Variants in CNOT10 observed in about 807,000 individuals in gnomAD.
CNOT10 encodes the protein CCR4-NOT transcription complex, subunit 10.
A neutral mutation model predicts 94.6 loss-of-function variants in CNOT10; 30 were observed. The ratio of observed to expected loss-of-function variants is 0.32; its 90% confidence interval spans 0.24 to 0.43. The LOEUF (loss-of-function observed/expected upper bound fraction) is 0.43, where lower values mean the gene tolerates loss of function less well. CNOT10 is among the 20% of genes least tolerant of loss of function. The pLI, the probability that CNOT10 is intolerant of heterozygous loss-of-function variation, is 1.00. For missense variants in CNOT10, 759 were observed against 877.2 expected (o/e 0.87, Z 1.70); for synonymous variants, 289 against 301.6 (o/e 0.96, Z 0.43).
At chr3:32,711,444 C>A (rs1360805388) in intron 4 of CNOT10, among the ~76,000 whole-genome samples, 2 of 152,030 alleles carry the variant, frequency 1.3e-5, no homozygotes. Flanking sequence ...AGTGCAGATG[C>A]AACAACTTTT....
chr3:32,754,489 A>AATATATATATATATATAT (rs1553637888), intron 13 of CNOT10, among the ~76,000 whole-genome samples: 3 of 70,218 alleles, frequency 4.3e-5, no homozygotes, highest in African/African-American at 7.7e-5. Context: ...AAAAAAAAAA[A>AATATATATATATATATAT]ATACATATAT....
At chr3:32,739,603 A>G (rs572876543) in intron 13 of CNOT10, among the ~76,000 whole-genome samples, 1 of 150,376 alleles carries the variant, frequency 6.6e-6, no homozygotes, top group South Asian at 2.1e-4. Flanking sequence ...CCTGGGCAAC[A>G]TGGTGAGACC....
Position 32,708,408 on chromosome 3 carries a change from A to C in CNOT10, c.280-262A>C, listed in dbSNP as rs1347917470. ...GAAGATAGCTTCACAGTGACAAGGA[A>C]GATAATTGTCTAGCCATGTGCTGGG... On this transcript the variant is annotated intron_variant, in intron 3 of 18. Coordinates refer to ENST00000328834, the MANE Select transcript of CNOT10 (RefSeq NM_015442.3). Among the ~76,000 whole-genome samples the C allele has an allele frequency of 4.6e-5, 7 of 152,206 alleles. No homozygotes were observed. The East Asian group carries it at 1.3e-3, about 29-fold the overall frequency.
At chr3:32,747,188 G>A (rs1699738710) in intron 13 of CNOT10, among the ~76,000 whole-genome samples, 1 of 152,146 alleles carries the variant, frequency 6.6e-6, no homozygotes, top group African/African-American at 2.4e-5. Context: ...GGCCAAGGCA[G>A]GTGGATCACC....
At chr3:32,764,565 T>G in intron 16 of CNOT10, 75 bp downstream of exon 16, 1 of 1,604,474 alleles carries the variant, frequency 6.2e-7, no homozygotes, top group South Asian at 1.1e-5. Context: ...TCTTCTGTGT[T>G]CGTTTTTCTG....
chr3:32,686,767 T>C (rs947815462), intron 1 of CNOT10, among the ~76,000 whole-genome samples: 9 of 152,232 alleles, frequency 5.9e-5, no homozygotes, highest in African/African-American at 2.2e-4. Context: ...ACATTTACCA[T>C]TCCTACTTGC....
intron 4 of CNOT10, among the ~76,000 whole-genome samples, chr3:32,710,479 A>G (rs375928869): frequency 6.6e-6 from 1 of 152,080 alleles, no homozygotes; most frequent in Non-Finnish European, 1.5e-5. Context: ...ACCTACATTG[A>G]TACATCATAA....
chr3:32,738,908 CT>C lies in CNOT10; in HGVS notation c.1595+1432del, dbSNP rs767544887. On this transcript the variant is annotated intron_variant, in intron 13 of 18. Transcript: ENST00000328834. ...CTGCAGTTATACCTCTATTTTCTTT[CT>C]TTTTTTTTTTTTTGAGTTGGAGTTT... 3.6e-3 allele frequency among the ~76,000 whole-genome samples: 498 copies of C among 137,246 alleles called. 1 individual carries two copies. The highest frequency in any genetic ancestry group is 6.8e-3 in the African/African-American group (255 of 37,642). 90.0% of individuals were successfully genotyped at this position (137,246 alleles called of 152,430 possible).
Position 32,773,439 on chromosome 3 carries a change from CG to C in CNOT10, c.2081-15del. On this transcript the variant is annotated splice_polypyrimidine_tract_variant and intron_variant, in intron 18 of 18. Transcript: ENST00000328834. Reference sequence around the variant, plus strand: ...TATTGTTCTGTGCTTTGTTTTTTAACGGGAAGTGTTTTTATAGGTAATACTC... The same window carrying C: ...TATTGTTCTGTGCTTTGTTTTTTAACGGAAGTGTTTTTATAGGTAATACTC... 6.3e-7 allele frequency: 1 copy of C among 1,599,804 alleles called. No homozygotes were observed. The highest frequency in any genetic ancestry group is 8.5e-7 in the Non-Finnish European group (1 of 1,172,764).
intron 5 of CNOT10, among the ~76,000 whole-genome samples, chr3:32,714,144 T>C (rs1575227566): frequency 6.6e-6 from 1 of 152,164 alleles, no homozygotes; most frequent in South Asian, 2.1e-4. Flanking sequence ...ACTTGTGAGG[T>C]TGTAATTTCT....
chr3:32,727,845 A>T lies in CNOT10; in HGVS notation c.1190A>T (p.Glu397Val). ...ANPRLWLRLA[E>V]CCIAANKGTS... is the part of the protein sequence containing the mutation. ...CCTCGCCTCTGGCTACGGCTGGCTG[A>T]ATGCTGCATTGCTGCCAATAAGGGG... Residue 397 changes from glutamate to valine, a missense_variant, in exon 10 of 19, where the codon GAA becomes GTA. Physicochemically the swap from Glu to Val is moderately radical, Grantham distance 121. Around this residue, in one of 3 missense-constraint regions of CNOT10, gnomAD observed 682 missense variants for 799.4 expected, o/e 0.85. Transcript: ENST00000328834. 6.2e-7 allele frequency: 1 copy of T among 1,613,274 alleles called. No individual in the cohort carries two copies. Among genetic ancestry groups the T allele is most frequent in the Non-Finnish European group, 8.5e-7 (1 of 1,179,810 alleles).
Position 32,773,517 on chromosome 3 carries a change from C to T in CNOT10, c.2141C>T (p.Thr714Ile). 1 of 1,614,106 alleles carries T rather than the reference C, an allele frequency of 6.2e-7. No individual in the cohort carries two copies. Among genetic ancestry groups the T allele is most frequent in the Non-Finnish European group, 8.5e-7 (1 of 1,180,016 alleles). ...KRNQLLPAVK[T>I]HSEVRKKPVF... ...AATCAGCTGCTCCCTGCAGTGAAAA[C>T]ACACTCTGAAGTGAGAAAGAAGCCA... The change falls in exon 19 of 19, where the codon ACA becomes ATA. Residue 714 changes from threonine to isoleucine, a missense_variant. Physicochemically the swap from Thr to Ile is moderately conservative, Grantham distance 89 (BLOSUM62 -1). Transcript: ENST00000328834.
At chr3:32,731,292 A>G (rs1698938858) in intron 10 of CNOT10, among the ~76,000 whole-genome samples, 3 of 152,210 alleles carry the variant, frequency 2.0e-5, no homozygotes, top group Admixed American at 6.5e-5. Flanking sequence ...AATAAGTTAC[A>G]TTCAGGAGCA....
chr3:32,736,724 A>G (rs112525667), intron 12 of CNOT10, among the ~76,000 whole-genome samples: 2,990 of 152,070 alleles, frequency 0.02, 49 homozygotes, highest in East Asian at 0.047. Context: ...GCAGTGAGCT[A>G]TGATCATGCC....
At chr3:32,741,538 G>A (rs1220855940) in intron 13 of CNOT10, among the ~76,000 whole-genome samples, 1 of 152,104 alleles carries the variant, frequency 6.6e-6, no homozygotes, top group Non-Finnish European at 1.5e-5. Context: ...GGGCGGCCGA[G>A]GCGAGCGGAT....
intron 1 of CNOT10, 128 bp downstream of exon 1, chr3:32,685,610 A>C: frequency 3.0e-6 from 3 of 993,346 alleles, no homozygotes; most frequent in Non-Finnish European, 3.0e-6. Flanking sequence ...GCATTTCTTT[A>C]CCCCATCCTC....
At chr3:32,708,869 A>G (rs755904235) in intron 4 of CNOT10, 49 bp downstream of exon 4, 1 of 1,491,348 alleles carries the variant, frequency 6.7e-7, no homozygotes, top group Non-Finnish European at 9.1e-7. Context: ...CTATACTTGC[A>G]GAATTCTCTG....
At chr3:32,686,005 T>C (rs1696581872) in intron 1 of CNOT10, among the ~76,000 whole-genome samples, 1 of 152,182 alleles carries the variant, frequency 6.6e-6, no homozygotes, top group Admixed American at 6.5e-5. Flanking sequence ...CTCGAACTTC[T>C]GGGCCCAAGC....
At chr3:32,704,997 T>TA (rs778985031) in intron 3 of CNOT10, 25 bp downstream of exon 3, 1 of 1,406,272 alleles carries the variant, frequency 7.1e-7, no homozygotes, top group East Asian at 2.6e-5. Flanking sequence ...AATTTAACTA[T>TA]AAAAAATATT....
Sources: allele counts gnomAD v4.1 joint callset (sites outside exome capture counted in the v4.1 genomes callset), GRCh38; gene constraint gnomAD v4.1.1; regional missense constraint gnomAD v4.1.1; transcripts MANE v1.5; gene names NCBI Gene and HGNC (gene_info 2026-07-23, HGNC 2026-07-21).